TNR: variants seen among roughly 807,000 people sequenced by gnomAD.
TNR encodes tenascin R.
Under a neutral mutation model 150.4 loss-of-function variants are expected in TNR, and 45 were observed. That is an observed-to-expected ratio of 0.30 (90% confidence interval 0.24 to 0.38). The LOEUF is 0.38. Among genes scored for constraint, TNR ranks in the 10% least tolerant of loss-of-function variants. The pLI, the probability that TNR is intolerant of heterozygous loss-of-function variation, is 1.00. For synonymous variants in TNR, 687 were observed against 678.4 expected (o/e 1.01, Z -0.20); for missense variants, 1,544 against 1,759.1 (o/e 0.88, Z 2.19).
At chr1:175,391,252 T>C in intron 7 of TNR, 36 bp downstream of exon 7, 2 of 1,605,572 alleles carry the variant, frequency 1.2e-6, no homozygotes, top group Non-Finnish European at 1.7e-6. Context: ...AGTGACCTAG[T>C]AGGCAGCTCT....
chr1:175,614,253 A>G (rs1361742153), intron 1 of TNR, among the ~76,000 whole-genome samples: 1 of 152,172 alleles, frequency 6.6e-6, no homozygotes, highest in African/African-American at 2.4e-5. Context: ...AGATTATGAT[A>G]CCTATGTATG....
At chr1:175,366,200 C>A (rs114472790) in intron 10 of TNR, 62 bp from the exon 11 acceptor site, 18,931 of 1,505,638 alleles carry the variant, frequency 0.013, 158 homozygotes, top group South Asian at 0.017. Context: ...TATTTATTGG[C>A]CTGCTTTGTG....
intron 1 of TNR, among the ~76,000 whole-genome samples, chr1:175,692,755 G>A (rs1666407557): frequency 6.6e-6 from 1 of 152,076 alleles, no homozygotes; most frequent in South Asian, 2.1e-4. Context: ...AACTTCACAG[G>A]CCCTAGTATA....
intron 1 of TNR, among the ~76,000 whole-genome samples, chr1:175,647,846 G>A (rs10913046): frequency 0.037 from 5,665 of 152,098 alleles, 357 homozygotes; most frequent in African/African-American, 0.13. Flanking sequence ...CAATTAATTG[G>A]CATGGTTTCT....
intron 2 of TNR, among the ~76,000 whole-genome samples, chr1:175,504,903 C>G (rs1448027948): frequency 1.3e-5 from 2 of 152,208 alleles, no homozygotes; most frequent in African/African-American, 2.4e-5. Context: ...AATTTGGACA[C>G]AAGTACAGAG....
At chr1:175,339,779 G>A (rs1463178306) in intron 18 of TNR, among the ~76,000 whole-genome samples, 1 of 152,158 alleles carries the variant, frequency 6.6e-6, no homozygotes, top group Non-Finnish European at 1.5e-5. Context: ...AATATCCAAT[G>A]TATCCCCAAC....
intron 18 of TNR, among the ~76,000 whole-genome samples, chr1:175,341,895 G>A (rs888952436): frequency 2.0e-5 from 3 of 152,194 alleles, no homozygotes; most frequent in Non-Finnish European, 4.4e-5. Flanking sequence ...AATCAATGGC[G>A]CACATCTGCA....
At chr1:175,625,670 A>G (rs888053021) in intron 1 of TNR, among the ~76,000 whole-genome samples, 8 of 152,228 alleles carry the variant, frequency 5.3e-5, no homozygotes, top group Non-Finnish European at 1.0e-4. Context: ...CACTACTTCC[A>G]GCCTTCGCCT....
At chr1:175,467,503 G>T (rs1434278692) in intron 2 of TNR, among the ~76,000 whole-genome samples, 1 of 152,188 alleles carries the variant, frequency 6.6e-6, no homozygotes, top group Admixed American at 6.5e-5. Flanking sequence ...TAACTCAGAG[G>T]AATGACCTTT....
chr1:175,411,872 A>G (rs1465122925), intron 2 of TNR, among the ~76,000 whole-genome samples: 1 of 152,064 alleles, frequency 6.6e-6, no homozygotes, highest in East Asian at 1.9e-4. Context: ...AACAAATACT[A>G]GTAGTAATTG....
chr1:175,391,166 T>A (rs1435947362), intron 7 of TNR, 122 bp downstream of exon 7: 1 of 1,268,318 alleles, frequency 7.9e-7, no homozygotes, highest in East Asian at 2.3e-5. Context: ...GGTACCAGAA[T>A]TGTCCCAGCT....
chr1:175,574,195 T>G (rs1236191067), intron 1 of TNR, among the ~76,000 whole-genome samples: 1 of 152,150 alleles, frequency 6.6e-6, no homozygotes, highest in African/African-American at 2.4e-5. Flanking sequence ...TTCAGGCCAT[T>G]ACCATGGCCT....
chr1:175,600,643 GT>G (rs1553245903), intron 1 of TNR, among the ~76,000 whole-genome samples: 1 of 152,230 alleles, frequency 6.6e-6, no homozygotes, highest in Non-Finnish European at 1.5e-5. Context: ...TGAGGGGTGA[GT>G]AGGAGCAGAA....
chr1:175,521,545 G>T (rs960128262), intron 2 of TNR, among the ~76,000 whole-genome samples: 9 of 152,212 alleles, frequency 5.9e-5, no homozygotes, highest in African/African-American at 2.2e-4. Context: ...GCAATCCAAG[G>T]GTTGGCACAG....
intron 1 of TNR, among the ~76,000 whole-genome samples, chr1:175,559,849 T>C (rs1465938499): frequency 6.6e-6 from 1 of 152,200 alleles, no homozygotes; most frequent in Non-Finnish European, 1.5e-5. Flanking sequence ...TAGAAATATC[T>C]TTAGCTCCAC....
chr1:175,379,087 G>A (rs1346279916), intron 9 of TNR, among the ~76,000 whole-genome samples: 6 of 151,526 alleles, frequency 4.0e-5, no homozygotes, highest in African/African-American at 9.7e-5. Flanking sequence ...GCTGAGGCAG[G>A]AGAATCGCTT....
chr1:175,613,189 G>A (rs535461015), intron 1 of TNR, among the ~76,000 whole-genome samples: 42 of 152,264 alleles, frequency 2.8e-4, no homozygotes, highest in African/African-American at 9.9e-4. Context: ...GGGTGCTACA[G>A]GGCAAAGACA....
At chr1:175,736,173 T>C (rs1667763633) in intron 1 of TNR, among the ~76,000 whole-genome samples, 1 of 152,228 alleles carries the variant, frequency 6.6e-6, no homozygotes, top group African/African-American at 2.4e-5. Flanking sequence ...TGACAGACAC[T>C]GTCCCAGGGA....
chr1:175,694,880 A>G (rs1011964488), intron 1 of TNR, among the ~76,000 whole-genome samples: 7 of 152,254 alleles, frequency 4.6e-5, no homozygotes, highest in Admixed American at 2.0e-4. Context: ...TCTAGCCTCC[A>G]GTACCATGAG....
Sources: allele counts gnomAD v4.1 joint callset (sites outside exome capture counted in the v4.1 genomes callset), GRCh38; gene constraint gnomAD v4.1.1; transcripts MANE v1.5; gene names NCBI Gene and HGNC (gene_info 2026-07-23, HGNC 2026-07-21).